The following ERCC1 variants were observed in gnomAD, a reference collection of about 807,000 sequenced individuals.
ERCC1 encodes ERCC excision repair 1, endonuclease non-catalytic subunit, also known as DNA excision repair protein ERCC-1.
Under a neutral mutation model 37.6 loss-of-function variants are expected in ERCC1, and 36 were observed. The ratio of observed to expected loss-of-function variants is 0.96; its 90% CI spans 0.73 to 1.26. ERCC1 has a LOEUF of 1.26. ERCC1 is among the 50% of genes most tolerant of loss of function. ERCC1 has a pLI of 0.00. For missense variants in ERCC1, 349 were observed against 376.5 expected (o/e 0.93, Z 0.60); for synonymous variants, 156 against 162.1 (o/e 0.96, Z 0.28).
chr19:45,409,457 G>A lies in ERCC1; in HGVS notation c.*218C>T, dbSNP rs1568572013. 1 of 1,612,882 alleles carries A rather than the reference G, an allele frequency of 6.2e-7. No homozygotes were observed. The highest frequency in any genetic ancestry group is 2.2e-5 in the East Asian group (1 of 44,874). Reference sequence around the variant, plus strand: ...AGAGTCTGGGGAGGAGGCTCCCACAGGCCGGGACAAGAAGCGGAAGCAGCA... The same window carrying A: ...AGAGTCTGGGGAGGAGGCTCCCACAAGCCGGGACAAGAAGCGGAAGCAGCA... On this transcript the variant is annotated 3_prime_UTR_variant, in exon 10 of 10. Coordinates refer to ENST00000300853, the MANE Select transcript of ERCC1 (RefSeq NM_001983.4).
rs1340838058 is a variant in ERCC1 at position 45,407,647 on chromosome 19, G to A, written c.*2028C>T. On this transcript the variant is annotated 3_prime_UTR_variant, in exon 10 of 10. Coordinates refer to ENST00000300853, the MANE Select transcript of ERCC1 (RefSeq NM_001983.4). Reference sequence around the variant, plus strand: ...TGTTCTGTATGGCCATAAATATTCTGTAATTATAATTGGTGGTCAGCCTGG... The same window carrying A: ...TGTTCTGTATGGCCATAAATATTCTATAATTATAATTGGTGGTCAGCCTGG... 7.8e-6 allele frequency: 2 copies of A among 255,194 alleles called. No individual in the cohort carries two copies. The highest frequency in any genetic ancestry group is 7.5e-6 in the Non-Finnish European group (1 of 133,940). 15.8% of individuals were successfully genotyped at this position (255,194 alleles called of 1,614,324 possible).
chr19:45,442,292 C>T (rs1184762229), intron 1 of ERCC1, among the ~76,000 whole-genome samples: 2 of 144,846 alleles, frequency 1.4e-5, no homozygotes, highest in Non-Finnish European at 3.0e-5. Flanking sequence ...TACACTCCAG[C>T]GTGGGCAACA....
intron 1 of ERCC1, among the ~76,000 whole-genome samples, chr19:45,434,541 A>G (rs538273231): frequency 1.1e-4 from 16 of 151,912 alleles, no homozygotes; most frequent in African/African-American, 3.9e-4. Context: ...TTGCCTTCCA[A>G]TCGTTGCATC....
rs527800338 is a variant in ERCC1, at chr19:45,421,469, C to T, written c.106-76G>A. On this transcript the variant is annotated intron_variant, in intron 2 of 9. Transcript: ENST00000300853. ...CATCTGAGGCCCTGTGAGTTCCTCT[C>T]CCCTTTCTTTTTCTTTTTTTGAGAC... 6.7e-6 allele frequency: 7 copies of T among 1,049,710 alleles called. No homozygotes were observed. The African/African-American group carries it at 8.0e-5, about 12-fold the overall frequency. The allele number at this position is 1,049,710 out of a possible 1,614,324, so 65.0% of individuals were successfully genotyped here.
intron 1 of ERCC1, among the ~76,000 whole-genome samples, chr19:45,448,167 C>G (rs1003117619): frequency 2.0e-5 from 3 of 152,184 alleles, no homozygotes; most frequent in Non-Finnish European, 4.4e-5. Flanking sequence ...CCATCGCGCC[C>G]GGTCGTCTTT....
rs781393898 is a variant in ERCC1, at chr19:45,408,389, A to T, written c.*1286T>A. The T allele has an allele frequency of 6.2e-7, 1 of 1,611,392 alleles. No homozygotes were observed. The highest frequency in any genetic ancestry group is 8.5e-7 in the Non-Finnish European group (1 of 1,178,222). On this transcript the variant is annotated 3_prime_UTR_variant, in exon 10 of 10. Transcript: ENST00000300853. Reference sequence around the variant, plus strand: ...CATCCCAGCAAGTCCCCCACCACAGATCCCTCCTGGCCTGAGGCCTCGGTT... The same window carrying T: ...CATCCCAGCAAGTCCCCCACCACAGTTCCCTCCTGGCCTGAGGCCTCGGTT...
chr19:45,418,969 A>G, intron 5 of ERCC1, 129 bp downstream of exon 5: 2 of 724,088 alleles, frequency 2.8e-6, no homozygotes, highest in Non-Finnish European at 2.5e-6. Flanking sequence ...TTGGTGACCC[A>G]TGTCATCTCA....
chr19:45,425,082 A>ATTTTTTTTTTTTTTTTTTT (rs35314737), upstream of ERCC1, among the ~76,000 whole-genome samples: 2 of 116,950 alleles, frequency 1.7e-5, no homozygotes, highest in Non-Finnish European at 1.8e-5. Flanking sequence ...TGCCCGGCTA[A>ATTTTTTTTTTTTTTTTTTT]TTTTTTTTTT....
At chr19:45,419,519 T>C (rs3212959) in intron 4 of ERCC1, 1 of 363,340 alleles carries the variant, frequency 2.8e-6, no homozygotes, top group Non-Finnish European at 5.3e-6. Context: ...GGACACTGCA[T>C]GGCTCGCGGT....
chr19:45,429,831 C>T (rs1974789941), intron 1 of ERCC1, among the ~76,000 whole-genome samples: 1 of 152,158 alleles, frequency 6.6e-6, no homozygotes, highest in South Asian at 2.1e-4. Flanking sequence ...GTCACCCAGG[C>T]TGTAGTGCAG....
intron 1 of ERCC1, among the ~76,000 whole-genome samples, chr19:45,438,232 T>A (rs1975032289): frequency 1.3e-5 from 2 of 152,090 alleles, no homozygotes; most frequent in African/African-American, 4.8e-5. Context: ...TTTTTTATTT[T>A]TATTATTGTG....
intron 2 of ERCC1, among the ~76,000 whole-genome samples, chr19:45,422,301 C>G (rs1460290606): frequency 1.3e-5 from 2 of 152,094 alleles, no homozygotes; most frequent in South Asian, 2.1e-4. Flanking sequence ...TTTCTCTACT[C>G]CAGCCCCACC....
chr19:45,419,946 G>A (rs1974303844), intron 4 of ERCC1, among the ~76,000 whole-genome samples: 3 of 126,486 alleles, frequency 2.4e-5, no homozygotes, highest in Admixed American at 2.4e-4. Flanking sequence ...AGGAGTCCAG[G>A]CCCCCAGCCC....
chr19:45,408,063 A>C lies in ERCC1; in HGVS notation c.*1612T>G. The stretch of plus-strand genomic sequence containing the variant: ...AGCAAGACTCTCTCAAAAAAAAACA[A>C]AAAAAAAATCAAAAAACCTTCCCTC... On this transcript the variant is annotated 3_prime_UTR_variant, in exon 10 of 10. Transcript: ENST00000300853. 2.9e-6 allele frequency: 4 copies of C among 1,398,528 alleles called. No homozygotes were observed. The highest frequency in any genetic ancestry group is 3.7e-6 in the Non-Finnish European group (4 of 1,086,652). 86.6% of individuals were successfully genotyped at this position (1,398,528 alleles called of 1,614,324 possible).
At chr19:45,439,943 C>A (rs1012824165) in intron 1 of ERCC1, among the ~76,000 whole-genome samples, 7 of 152,178 alleles carry the variant, frequency 4.6e-5, no homozygotes, top group African/African-American at 1.7e-4. Context: ...AAATAGTTGC[C>A]GCGCTCCGAG....
At chr19:45,427,563 G>A (rs558440893), upstream of ERCC1, among the ~76,000 whole-genome samples, 1 of 152,086 alleles carries the variant, frequency 6.6e-6, no homozygotes, top group Non-Finnish European at 1.5e-5. Context: ...GCAGTGAGCC[G>A]AGATTACACC....
intron 1 of ERCC1, among the ~76,000 whole-genome samples, chr19:45,437,753 C>T (rs1442260647): frequency 6.6e-6 from 1 of 152,122 alleles, no homozygotes; most frequent in African/African-American, 2.4e-5. Flanking sequence ...AAAGTTTCAG[C>T]GAGACTGGAG....
chr19:45,430,048 T>C (rs1460136899), intron 1 of ERCC1, among the ~76,000 whole-genome samples: 1 of 152,046 alleles, frequency 6.6e-6, no homozygotes, highest in Non-Finnish European at 1.5e-5. Context: ...CCTCCCAAAG[T>C]GATGGGATTA....
At chr19:45,431,650 C>A (rs1357253738) in intron 1 of ERCC1, among the ~76,000 whole-genome samples, 2 of 144,022 alleles carry the variant, frequency 1.4e-5, no homozygotes, top group Admixed American at 7.2e-5. Context: ...GCACTCCAGC[C>A]TGAGCAACAA....
Sources: gnomAD v4.1 joint callset for allele counts (sites outside exome capture counted in the v4.1 genomes callset) on GRCh38, gnomAD v4.1.1 for gene constraint, MANE v1.5 for transcripts, NCBI Gene and HGNC (gene_info 2026-07-23, HGNC 2026-07-21) for gene names.